Variants in XKR4 observed in about 807,000 individuals in gnomAD.
XKR4 encodes XK related 4.
In XKR4, 12 loss-of-function variants were observed where a neutral mutation model predicts 53.9. The ratio of observed to expected loss-of-function variants is 0.22; its 90% confidence interval spans 0.14 to 0.36. The LOEUF (loss-of-function observed/expected upper bound fraction) is 0.36. Among genes scored for constraint, XKR4 ranks in the 10% least tolerant of loss-of-function variants. The pLI, the probability that XKR4 is intolerant of heterozygous loss-of-function variation, is 1.00. For synonymous variants in XKR4, 354 were observed against 362.4 expected, an observed-to-expected ratio of 0.98 and a Z score of 0.26; for missense variants, 799 against 859.5, an observed-to-expected ratio of 0.93 and a Z score of 0.88.
chr8:55,410,647 G>T (rs1312005586), intron 2 of XKR4, among the ~76,000 whole-genome samples: 3 of 149,912 alleles, frequency 2.0e-5, no homozygotes, highest in African/African-American at 7.4e-5. Context: ...GTCCCCATTT[G>T]CCCCTGCCTG....
At position 55,528,762 on chromosome 8, in the gene XKR4, T is replaced by A. The variant is rs1462876960; in HGVS notation, c.*4535T>A. 1 of 152,130 alleles carries A rather than the reference T, an allele frequency of 6.6e-6. No homozygotes were observed. The highest frequency in any genetic ancestry group is 1.5e-5 in the Non-Finnish European group (1 of 68,018). The allele number at this position is 152,130 out of a possible 1,614,324, so 9.4% of individuals were successfully genotyped here. A position where few individuals can be genotyped will look rare whatever the true frequency, so the allele number is the denominator to read the frequency against. Reference sequence around the variant, plus strand: ...GTTCCTTTGTCTCGGCAATCCAATGTCATTTTTGAAAACAATCAAAAAGAT... The same window carrying A: ...GTTCCTTTGTCTCGGCAATCCAATGACATTTTTGAAAACAATCAAAAAGAT... On this transcript the variant is annotated 3_prime_UTR_variant, in exon 3 of 3. Transcript: ENST00000327381.
intron 1 of XKR4, among the ~76,000 whole-genome samples, chr8:55,306,320 A>G (rs994901588): frequency 1.3e-5 from 2 of 152,202 alleles, no homozygotes; most frequent in African/African-American, 4.8e-5. Context: ...AGACACAGCA[A>G]AAAAGGTCAA....
At chr8:55,187,031 G>T (rs2129360534) in intron 1 of XKR4, among the ~76,000 whole-genome samples, 1 of 151,976 alleles carries the variant, frequency 6.6e-6, no homozygotes, top group South Asian at 2.1e-4. Flanking sequence ...AATCCACAGA[G>T]AATATTTGTT....
chr8:55,451,218 G>C (rs1199794866), intron 2 of XKR4: 3 of 563,514 alleles, frequency 5.3e-6, no homozygotes, highest in Non-Finnish European at 9.5e-6. Context: ...AGCTAGCTGG[G>C]AGCCCACATT....
At chr8:55,126,974 G>A (rs1816475538) in intron 1 of XKR4, among the ~76,000 whole-genome samples, 1 of 152,198 alleles carries the variant, frequency 6.6e-6, no homozygotes, top group African/African-American at 2.4e-5. Flanking sequence ...TAAACAGGAT[G>A]TGGTTTCTGA....
In XKR4 at chr8:55,400,795, C is replaced by T. The variant is rs115273978; in HGVS notation, c.1006+42918C>T. 1.7e-3 allele frequency among the ~76,000 whole-genome samples: 266 copies of T among 152,310 alleles called. 2 individuals carry two copies. The highest frequency in any genetic ancestry group is 6.2e-3 in the African/African-American group (259 of 41,566). On this transcript the variant is annotated intron_variant, in intron 2 of 2. Coordinates refer to ENST00000327381, the MANE Select transcript of XKR4 (RefSeq NM_052898.2). ...CAAAATCTGGGGTGGTCGTGCCTTG[C>T]CTTCCCTCTTCCACGTTGTATTCAT...
chr8:55,397,434 T>A (rs1804537467), intron 2 of XKR4, among the ~76,000 whole-genome samples: 1 of 152,148 alleles, frequency 6.6e-6, no homozygotes, highest in Non-Finnish European at 1.5e-5. Context: ...AAAACAAGCA[T>A]CTGTCTGCTG....
chr8:55,304,825 CT>C, intron 1 of XKR4, among the ~76,000 whole-genome samples: 1 of 151,948 alleles, frequency 6.6e-6, no homozygotes, highest in Non-Finnish European at 1.5e-5. Context: ...CAACCCCTGC[CT>C]TTTTTTGTTT....
chr8:55,215,362 C>T (rs1356305670), intron 1 of XKR4, among the ~76,000 whole-genome samples: 3 of 152,008 alleles, frequency 2.0e-5, no homozygotes, highest in Non-Finnish European at 4.4e-5. Context: ...ATATTTTTCC[C>T]AAGGAATAGA....
intron 1 of XKR4, among the ~76,000 whole-genome samples, chr8:55,284,135 G>A (rs766200737): frequency 1.3e-5 from 2 of 152,112 alleles, no homozygotes; most frequent in Non-Finnish European, 2.9e-5. Flanking sequence ...GATTTATGAC[G>A]AGATGATGGC....
chr8:55,348,109 T>A (rs1214530310), intron 1 of XKR4, among the ~76,000 whole-genome samples: 1 of 152,162 alleles, frequency 6.6e-6, no homozygotes, highest in East Asian at 1.9e-4. Context: ...CTCTGGAAGG[T>A]CAGTCGAAGC....
chr8:55,458,747 C>T (rs913458199), intron 2 of XKR4, among the ~76,000 whole-genome samples: 5 of 152,198 alleles, frequency 3.3e-5, no homozygotes, highest in Admixed American at 3.3e-4. Context: ...AGTCAAGCTG[C>T]TTCTCACTGA....
intron 1 of XKR4, among the ~76,000 whole-genome samples, chr8:55,290,785 C>T (rs1177241600): frequency 2.0e-5 from 3 of 151,760 alleles, no homozygotes; most frequent in African/African-American, 7.3e-5. Context: ...AGATACTATT[C>T]CTTTGTAAAA....
At position 55,482,946 on chromosome 8, in the gene XKR4, C is replaced by G. The variant is rs138763930; in HGVS notation, c.1007-40335C>G. ...TTTAAAGGCTTTTCAAATTTGAGATCTTCTTACCCTAGGCACTTTGCAAAT... is the reference window on the plus strand; with the variant it reads ...TTTAAAGGCTTTTCAAATTTGAGATGTTCTTACCCTAGGCACTTTGCAAAT... On this transcript the variant is annotated intron_variant, in intron 2 of 2. Coordinates refer to ENST00000327381, the MANE Select transcript of XKR4 (RefSeq NM_052898.2). 1.0e-3 allele frequency among the ~76,000 whole-genome samples: 156 copies of G among 152,224 alleles called. 2 individuals are homozygous for G. The highest frequency in any genetic ancestry group is 3.4e-3 in the African/African-American group (140 of 41,550).
chr8:55,304,706 G>A (rs543618646), intron 1 of XKR4, among the ~76,000 whole-genome samples: 2 of 152,102 alleles, frequency 1.3e-5, no homozygotes, highest in African/African-American at 4.8e-5. Context: ...ATATATTTAG[G>A]ATAGATAGCT....
At chr8:55,248,162 T>C (rs1031965488) in intron 1 of XKR4, among the ~76,000 whole-genome samples, 23 of 152,132 alleles carry the variant, frequency 1.5e-4, no homozygotes, top group Admixed American at 1.2e-3. Flanking sequence ...GCCTATTTTT[T>C]CTTATTCACC....
At chr8:55,384,084 A>G (rs1004166312) in intron 2 of XKR4, among the ~76,000 whole-genome samples, 3 of 152,226 alleles carry the variant, frequency 2.0e-5, no homozygotes, top group Non-Finnish European at 2.9e-5. Flanking sequence ...TGATTGCAGA[A>G]AAGGGAGACA....
chr8:55,227,268 A>G (rs758620062), intron 1 of XKR4, among the ~76,000 whole-genome samples: 2 of 152,192 alleles, frequency 1.3e-5, no homozygotes, highest in Non-Finnish European at 2.9e-5. Context: ...ATCCCACTAC[A>G]TTGTGCACAA....
chr8:55,332,436 C>T (rs1405487718), intron 1 of XKR4, among the ~76,000 whole-genome samples: 2 of 152,044 alleles, frequency 1.3e-5, no homozygotes, highest in South Asian at 2.1e-4. Flanking sequence ...ATCTTGCATC[C>T]TTTCACCTCA....
Sources: gnomAD v4.1 joint callset for allele counts (sites outside exome capture counted in the v4.1 genomes callset) on GRCh38, gnomAD v4.1.1 for gene constraint, MANE v1.5 for transcripts, NCBI Gene and HGNC (gene_info 2026-07-23, HGNC 2026-07-21) for gene names.